Variants in PREX1 observed in about 807,000 individuals in gnomAD.
The protein encoded by PREX1 is phosphatidylinositol 3,4,5-trisphosphate-dependent Rac exchanger 1 protein.
PREX1 carries 41 observed loss-of-function variants against 198.3 expected under a neutral mutation model. The observed-to-expected ratio is 0.21, with a 90% confidence interval of 0.16 to 0.27. The LOEUF is 0.27. PREX1 is among the 10% of genes least tolerant of loss of function. PREX1 has a pLI of 1.00. For synonymous variants in PREX1, 843 were observed against 887.2 expected (o/e 0.95, Z 0.89); for missense variants, 1,620 against 2,200.7 (o/e 0.74, Z 5.28).
At chr20:48,658,350 G>T in intron 16 of PREX1, 122 bp from the exon 17 acceptor site, 1 of 966,646 alleles carries the variant, frequency 1.0e-6, no homozygotes, top group Non-Finnish European at 1.6e-6. Flanking sequence ...GCCAGATCCA[G>T]GTGGGCGAGA....
rs1220982361 is a variant in PREX1 at position 48,642,421 on chromosome 20, G to A, written c.3670C>T (p.His1224Tyr). 1 of 1,613,242 alleles carries A rather than the reference G, an allele frequency of 6.2e-7. No individual in the cohort carries two copies. The highest frequency in any genetic ancestry group is 2.2e-5 in the East Asian group (1 of 44,842). The change falls in exon 28 of 40, where the codon CAC becomes TAC. Residue 1224 changes from histidine (H) to tyrosine (Y), a missense_variant. This residue lies in a region of PREX1 where 476 missense variants were observed against 603.4 expected (regional missense o/e 0.79). Transcript: ENST00000371941. Reference protein sequence around the residue: ...KQDKLHGCLEHLFNQVDSINA... With the variant: ...KQDKLHGCLEYLFNQVDSINA... Reference sequence around the variant, plus strand: ...AAAGGTCCTACCTGGTTAAAGAGGTGCTCCAGGCAGCCATGAAGCTTGTCC... The same window carrying A: ...AAAGGTCCTACCTGGTTAAAGAGGTACTCCAGGCAGCCATGAAGCTTGTCC...
chr20:48,797,550 A>G (rs2090368656), intron 1 of PREX1, among the ~76,000 whole-genome samples: 2 of 152,082 alleles, frequency 1.3e-5, no homozygotes, highest in South Asian at 4.1e-4. Flanking sequence ...CCCCCAAAAA[A>G]GAGGCCCACA....
At chr20:48,650,837 G>A (rs1171923815) in intron 23 of PREX1, 57 bp downstream of exon 23, 2 of 1,581,508 alleles carry the variant, frequency 1.3e-6, no homozygotes, top group East Asian at 4.5e-5. Flanking sequence ...AATATCCCAG[G>A]CTGAGATGCT....
chr20:48,695,658 T>G (rs1485113564), intron 7 of PREX1, among the ~76,000 whole-genome samples: 1 of 152,248 alleles, frequency 6.6e-6, no homozygotes, highest in Non-Finnish European at 1.5e-5. Flanking sequence ...AGTTCCCTGA[T>G]GAGTAAATAA....
chr20:48,760,196 A>G (rs2090173057), intron 1 of PREX1, among the ~76,000 whole-genome samples: 1 of 152,012 alleles, frequency 6.6e-6, no homozygotes, highest in South Asian at 2.1e-4. Flanking sequence ...TGGTGCAGGT[A>G]GACAGAACCC....
intron 1 of PREX1, among the ~76,000 whole-genome samples, chr20:48,819,360 C>A (rs2090473170): frequency 6.6e-6 from 1 of 152,180 alleles, no homozygotes; most frequent in Admixed American, 6.5e-5. Flanking sequence ...CTCCCACTGC[C>A]TGGAACACAC....
chr20:48,807,809 G>A lies in PREX1; in HGVS notation c.219+19833C>T, dbSNP rs986186147. On this transcript the variant is annotated intron_variant, in intron 1 of 39. Coordinates refer to ENST00000371941, the MANE Select transcript of PREX1 (RefSeq NM_020820.4). ...GATGGAAGGTGACGTTGACTGATAGGGTTTCTCAGCGGAAATGCAGCTCCA... is the reference window on the plus strand; with the variant it reads ...GATGGAAGGTGACGTTGACTGATAGAGTTTCTCAGCGGAAATGCAGCTCCA... 6.6e-5 allele frequency among the ~76,000 whole-genome samples: 10 copies of A among 152,046 alleles called. No homozygotes were observed. In the East Asian group the frequency reaches 1.9e-3, roughly 29 times the overall value.
At chr20:48,780,744 C>T (rs1408454895) in intron 1 of PREX1, among the ~76,000 whole-genome samples, 1 of 152,126 alleles carries the variant, frequency 6.6e-6, no homozygotes, top group Non-Finnish European at 1.5e-5. Flanking sequence ...CTATCACAGG[C>T]CAGACCCACC....
In PREX1 at chr20:48,749,864, TA is replaced by T. The variant is rs559094080; in HGVS notation, c.220-1985del. On this transcript the variant is annotated intron_variant, in intron 1 of 39. Transcript: ENST00000371941. ...TCATTGCCAAGGTCTGATTTTTTATTAAAAAAAAAAATTGCAACCTCCAGCA... is the reference window on the plus strand; with the variant it reads ...TCATTGCCAAGGTCTGATTTTTTATTAAAAAAAAAATTGCAACCTCCAGCA... Among the ~76,000 whole-genome samples, 581 of 148,804 alleles carry T rather than the reference TA, an allele frequency of 3.9e-3. 2 individuals are homozygous for T. The highest frequency in any genetic ancestry group is 0.012 in the African/African-American group (492 of 40,674).
At chr20:48,703,856 G>A (rs6019382) in intron 6 of PREX1, among the ~76,000 whole-genome samples, 48,247 of 152,080 alleles carry the variant, frequency 0.32, 10,679 homozygotes, top group African/African-American at 0.63. Context: ...AAGCCCAGCC[G>A]CACTCTTGAT....
rs552816052 is a variant in PREX1 at position 48,735,151 on chromosome 20, G to C, written c.415-501C>G. 7.9e-5 allele frequency among the ~76,000 whole-genome samples: 12 copies of C among 152,294 alleles called. No homozygotes were observed. In the South Asian group the frequency reaches 2.1e-3, roughly 26 times the overall value. On this transcript the variant is annotated intron_variant, in intron 3 of 39. Transcript: ENST00000371941. ...ACTAGGTCCAGAACCATCAGTCAGG[G>C]TTTCCCGTACTGGAAGAGACAGGAG...
chr20:48,723,522 T>C (rs990353021), intron 5 of PREX1, among the ~76,000 whole-genome samples: 1 of 152,252 alleles, frequency 6.6e-6, no homozygotes, highest in East Asian at 1.9e-4. Flanking sequence ...AAGGCCCTGC[T>C]TGTTCTCTCC....
Position 48,625,883 on chromosome 20 carries a change from G to A in PREX1, c.*2C>T, listed in dbSNP as rs369802573. The A allele has an allele frequency of 2.0e-5, 31 of 1,562,786 alleles. No homozygotes were observed. The highest frequency in any genetic ancestry group is 2.8e-5 in the African/African-American group (2 of 71,656). Reference sequence around the variant, plus strand: ...GCGGCCCAGCGTGGGGCATTTGGGTGTTCAGAGGTCCCCATCCACCGGCGG... The same window carrying A: ...GCGGCCCAGCGTGGGGCATTTGGGTATTCAGAGGTCCCCATCCACCGGCGG... On this transcript the variant is annotated 3_prime_UTR_variant, in exon 40 of 40. Transcript: ENST00000371941.
chr20:48,773,751 A>G (rs1252897353), intron 1 of PREX1, among the ~76,000 whole-genome samples: 2 of 152,178 alleles, frequency 1.3e-5, no homozygotes, highest in Non-Finnish European at 2.9e-5. Flanking sequence ...TCTGGGCCAC[A>G]GTGGGGTCTT....
intron 10 of PREX1, among the ~76,000 whole-genome samples, chr20:48,682,660 C>T (rs1442163025): frequency 6.6e-6 from 1 of 152,166 alleles, no homozygotes; most frequent in Non-Finnish European, 1.5e-5. Context: ...GGCAGCTTTC[C>T]CAGCTCCCAC....
chr20:48,860,784 G>A, the PREX1 span, among the ~76,000 whole-genome samples: 1 of 150,428 alleles, frequency 6.6e-6, no homozygotes, highest in Admixed American at 6.6e-5. Flanking sequence ...GCAGTGAGCC[G>A]AGATCGCACC....
At chr20:48,710,616 C>T (rs1601090828) in intron 5 of PREX1, among the ~76,000 whole-genome samples, 1 of 152,180 alleles carries the variant, frequency 6.6e-6, no homozygotes, top group Non-Finnish European at 1.5e-5. Flanking sequence ...TCTAAATCCC[C>T]GTGCTATTTA....
At chr20:48,626,626 C>T (rs3934721) in intron 39 of PREX1, among the ~76,000 whole-genome samples, 12,588 of 152,254 alleles carry the variant, frequency 0.083, 590 homozygotes, top group South Asian at 0.16. Context: ...AAAGGAACCA[C>T]GTGCCACTCG....
At chr20:48,754,140 G>A (rs1205631917) in intron 1 of PREX1, among the ~76,000 whole-genome samples, 1 of 152,182 alleles carries the variant, frequency 6.6e-6, no homozygotes, top group African/African-American at 2.4e-5. Context: ...CGAGCTGGGA[G>A]AGGCAACTAG....
Sources: gnomAD v4.1 joint callset for allele counts (sites outside exome capture counted in the v4.1 genomes callset) on GRCh38, gnomAD v4.1.1 for gene constraint, gnomAD v4.1.1 regional missense constraint, MANE v1.5 for transcripts, NCBI Gene and HGNC (gene_info 2026-07-23, HGNC 2026-07-21) for gene names.